The following SOX5 variants were observed in gnomAD, a reference collection of about 807,000 sequenced individuals.
SOX5 encodes transcription factor SOX-5.
SOX5 carries 9 observed loss-of-function variants against 92.0 expected under a neutral mutation model. The observed-to-expected ratio is 0.10, with a 90% CI of 0.06 to 0.17. The LOEUF (loss-of-function observed/expected upper bound fraction) is 0.17, where lower values mean the gene tolerates loss of function less well. SOX5 is among the 10% of genes least tolerant of loss of function. The probability of loss-of-function intolerance (pLI) is 1.00; values close to 1 mark genes in which losing one functional copy is unlikely to be tolerated. For missense variants in SOX5, 642 were observed against 944.5 expected (o/e 0.68, Z 4.20); for synonymous variants, 344 against 336.3 (o/e 1.02, Z -0.25).
At chr12:24,175,063 T>G (rs1034898203) in intron 4 of SOX5, among the ~76,000 whole-genome samples, 1 of 152,130 alleles carries the variant, frequency 6.6e-6, no homozygotes, top group Admixed American at 6.5e-5. Context: ...TATTCCAGAG[T>G]TGTCCGAAAA....
At chr12:24,373,000 C>T (rs897178715) in intron 1 of SOX5, among the ~76,000 whole-genome samples, 3 of 148,424 alleles carry the variant, frequency 2.0e-5, no homozygotes, top group African/African-American at 7.4e-5. Context: ...GGCCTGTGGT[C>T]CCAGCTACTT....
intron 4 of SOX5, among the ~76,000 whole-genome samples, chr12:24,124,885 G>C (rs1046237342): frequency 6.6e-6 from 1 of 152,120 alleles, no homozygotes; most frequent in South Asian, 2.1e-4. Flanking sequence ...AGATACATTC[G>C]TGTGTAAAAC....
At chr12:23,955,351 AT>A (rs1946161258), upstream of SOX5, among the ~76,000 whole-genome samples, 1 of 152,144 alleles carries the variant, frequency 6.6e-6, no homozygotes, top group South Asian at 2.1e-4. Context: ...TTCTTATCTC[AT>A]TTGTAGTGAT....
intron 2 of SOX5, among the ~76,000 whole-genome samples, chr12:23,860,962 A>AC (rs1555390689): frequency 0.38 from 50,879 of 134,632 alleles, 9,884 homozygotes; most frequent in Non-Finnish European, 0.47. Context: ...TAAAAAAAAA[A>AC]AAAAAAAAAA....
intron 6 of SOX5, among the ~76,000 whole-genome samples, chr12:23,683,841 A>G (rs1259464277): frequency 6.6e-6 from 1 of 152,020 alleles, no homozygotes; most frequent in Admixed American, 6.6e-5. Context: ...AAATCTTTTC[A>G]CCACATAATT....
At chr12:23,684,310 C>T (rs1285670769) in intron 6 of SOX5, among the ~76,000 whole-genome samples, 2 of 152,034 alleles carry the variant, frequency 1.3e-5, no homozygotes, top group African/African-American at 4.8e-5. Flanking sequence ...TTTAATTCAG[C>T]ATTTTGTTCT....
chr12:24,533,742 G>T (rs1048369088), intron 1 of SOX5, among the ~76,000 whole-genome samples: 3 of 152,038 alleles, frequency 2.0e-5, no homozygotes, highest in Non-Finnish European at 4.4e-5. Flanking sequence ...GCATGCTATT[G>T]TTTAAACACA....
intron 9 of SOX5, among the ~76,000 whole-genome samples, chr12:23,580,761 A>C (rs1949930299): frequency 6.6e-6 from 1 of 152,044 alleles, no homozygotes; most frequent in South Asian, 2.1e-4. Context: ...TCTGAAAGCT[A>C]ACATCTCAAT....
At chr12:24,490,423 T>C (rs1484191806) in intron 1 of SOX5, among the ~76,000 whole-genome samples, 1 of 152,184 alleles carries the variant, frequency 6.6e-6, no homozygotes, top group African/African-American at 2.4e-5. Context: ...TTCCTTCTAT[T>C]TACAATAAAG....
rs140154097 is a variant in SOX5, at chr12:24,363,045, T to C, written c.-174+5518A>G. On this transcript the variant is annotated intron_variant, in intron 2 of 4. Transcript: ENST00000446891. ...TCCTATTACACACTATATAAAAATA[T>C]ATGAAATATTTATTGATATTAAAAC... Among the ~76,000 whole-genome samples the C allele has an allele frequency of 9.0e-3, 1,365 of 152,142 alleles. 17 individuals carry two copies. The highest frequency in any genetic ancestry group is 0.03 in the African/African-American group (1,253 of 41,536).
intron 11 of SOX5, among the ~76,000 whole-genome samples, chr12:23,560,086 T>A (rs1945933056): frequency 6.6e-6 from 1 of 152,048 alleles, no homozygotes; most frequent in African/African-American, 2.4e-5. Flanking sequence ...ATTTTTTGTA[T>A]CTTTAGTAGA....
intron 4 of SOX5, among the ~76,000 whole-genome samples, chr12:24,013,003 T>C (rs1953136414): frequency 6.6e-6 from 1 of 152,174 alleles, no homozygotes; most frequent in African/African-American, 2.4e-5. Flanking sequence ...ATTAATACAT[T>C]TGTGGTTCAA....
At chr12:24,052,691 G>A (rs915913035) in intron 4 of SOX5, among the ~76,000 whole-genome samples, 2 of 152,190 alleles carry the variant, frequency 1.3e-5, no homozygotes, top group Non-Finnish European at 2.9e-5. Context: ...CCAGTGACAT[G>A]TGAAATGTTT....
chr12:24,061,730 G>A (rs1939737519), intron 4 of SOX5, among the ~76,000 whole-genome samples: 1 of 140,420 alleles, frequency 7.1e-6, no homozygotes, highest in Admixed American at 7.3e-5. Flanking sequence ...TATACCTATT[G>A]CTTCAATATG....
intron 2 of SOX5, among the ~76,000 whole-genome samples, chr12:24,335,093 C>A (rs563944639): frequency 6.6e-6 from 1 of 152,066 alleles, no homozygotes; most frequent in Non-Finnish European, 1.5e-5. Context: ...ATTATTAAAT[C>A]TTAGCTTTTT....
chr12:24,142,195 G>A (rs77680679), intron 4 of SOX5, among the ~76,000 whole-genome samples: 2,208 of 152,200 alleles, frequency 0.015, 55 homozygotes, highest in African/African-American at 0.047. Context: ...ACTAGTATGG[G>A]GTAGAGAGAA....
intron 3 of SOX5, among the ~76,000 whole-genome samples, chr12:24,221,598 C>A (rs192180368): frequency 1.3e-5 from 2 of 152,304 alleles, no homozygotes; most frequent in East Asian, 3.9e-4. Flanking sequence ...AAACTGCCCA[C>A]TGAGCACCTA....
intron 1 of SOX5, among the ~76,000 whole-genome samples, chr12:23,927,284 A>T (rs1940220068): frequency 6.6e-6 from 1 of 152,096 alleles, no homozygotes; most frequent in Non-Finnish European, 1.5e-5. Flanking sequence ...AAGAAGGGCT[A>T]TCCTTTCCAC....
intron 8 of SOX5, among the ~76,000 whole-genome samples, chr12:23,639,280 G>T (rs1283776870): frequency 6.6e-6 from 1 of 152,078 alleles, no homozygotes; most frequent in African/African-American, 2.4e-5. Flanking sequence ...GTCTCTACAG[G>T]AAAAGTTGAT....
Sources: allele counts gnomAD v4.1 joint callset (sites outside exome capture counted in the v4.1 genomes callset), GRCh38; gene constraint gnomAD v4.1.1; transcripts MANE v1.5; gene names NCBI Gene and HGNC (gene_info 2026-07-23, HGNC 2026-07-21).